WWP2: variants seen among roughly 807,000 people sequenced by gnomAD.
WWP2 encodes WW domain containing E3 ubiquitin protein ligase 2.
WWP2 carries 57 observed loss-of-function variants against 121.0 expected under a neutral mutation model. That is an observed-to-expected ratio of 0.47 (90% CI 0.38 to 0.59). The LOEUF is 0.59. Ranked by LOEUF, WWP2 falls within the 20% of genes least tolerant of loss-of-function variation. WWP2 has a pLI of 0.00. For synonymous variants in WWP2, 449 were observed against 441.3 expected (o/e 1.02, Z -0.22); for missense variants, 962 against 1,158.9 (o/e 0.83, Z 2.47).
At chr16:69,823,566 C>T (rs2056631152) in intron 4 of WWP2, among the ~76,000 whole-genome samples, 1 of 151,602 alleles carries the variant, frequency 6.6e-6, no homozygotes, top group South Asian at 2.1e-4. Context: ...CTCCTGGGTT[C>T]AAGCGATTCT....
In WWP2 at chr16:69,941,706, G is replaced by C. The variant is rs1194712357; in HGVS notation, c.*1766G>C. On this transcript the variant is annotated 3_prime_UTR_variant, in exon 24 of 24. Coordinates refer to ENST00000359154, the MANE Select transcript of WWP2 (RefSeq NM_001270454.2). ...AATGCCCGCCCCTTGCCTCGATATTGCCAGTTTCTTGTGCAATAAACAATC... is the reference window on the plus strand; with the variant it reads ...AATGCCCGCCCCTTGCCTCGATATTCCCAGTTTCTTGTGCAATAAACAATC... 6.5e-6 allele frequency: 1 copy of C among 153,658 alleles called. No individual in the cohort carries two copies. Among genetic ancestry groups the C allele is most frequent in the African/African-American group, 2.4e-5 (1 of 41,422 alleles). 9.5% of individuals were successfully genotyped at this position (153,658 alleles called of 1,614,324 possible). A position where few individuals can be genotyped will look rare whatever the true frequency, so the allele number is the denominator to read the frequency against.
intron 8 of WWP2, among the ~76,000 whole-genome samples, chr16:69,897,143 C>T (rs562185602): frequency 2.6e-5 from 4 of 151,876 alleles, no homozygotes; most frequent in Admixed American, 2.6e-4. Flanking sequence ...ATCTGTGTCA[C>T]CCAGGCTGGA....
intron 1 of WWP2, among the ~76,000 whole-genome samples, chr16:69,784,722 T>C (rs2055744851): frequency 6.6e-6 from 1 of 152,142 alleles, no homozygotes; most frequent in South Asian, 2.1e-4. Flanking sequence ...TATAATGGTG[T>C]GTTGGGAAAA....
intron 4 of WWP2, among the ~76,000 whole-genome samples, chr16:69,820,825 TACACAC>T (rs34214656): frequency 0.19 from 27,373 of 141,738 alleles, 2,889 homozygotes; most frequent in Non-Finnish European, 0.24. Flanking sequence ...TACATGCATA[TACACAC>T]ACACACACAC....
chr16:69,762,765 G>T (rs1046540771), intron 1 of WWP2, among the ~76,000 whole-genome samples: 2 of 152,322 alleles, frequency 1.3e-5, no homozygotes, highest in Admixed American at 6.5e-5. Context: ...GAGCTGGAAG[G>T]GGGTGCCTGA....
chr16:69,821,081 A>G (rs535931757), intron 4 of WWP2, among the ~76,000 whole-genome samples: 1 of 152,262 alleles, frequency 6.6e-6, no homozygotes, highest in South Asian at 2.1e-4. Flanking sequence ...TACATCAGCG[A>G]CTACTGTTTT....
chr16:69,929,374 G>GT lies in WWP2; in HGVS notation c.1235-73dup, dbSNP rs1326324861. 2.0e-5 allele frequency: 28 copies of GT among 1,413,014 alleles called. No homozygotes were observed. In the African/African-American group the frequency reaches 3.5e-4, roughly 18 times the overall value. 87.5% of individuals were successfully genotyped at this position (1,413,014 alleles called of 1,614,324 possible). Reference sequence around the variant, plus strand: ...TAAACTCAGACCCAGCACCCAGGAGGTGGGAACCTCAGGGAAAGGACACCG... The same window carrying GT: ...TAAACTCAGACCCAGCACCCAGGAGGTTGGGAACCTCAGGGAAAGGACACCG... On this transcript the variant is annotated intron_variant, in intron 11 of 23. Coordinates refer to ENST00000359154, the MANE Select transcript of WWP2 (RefSeq NM_001270454.2).
chr16:69,881,178 T>A (rs1323669425), intron 7 of WWP2, among the ~76,000 whole-genome samples: 1 of 152,146 alleles, frequency 6.6e-6, no homozygotes, highest in Non-Finnish European at 1.5e-5. Flanking sequence ...TACCCCACTT[T>A]CCCGGTCCTT....
chr16:69,828,063 T>C (rs1031076706), intron 4 of WWP2: 2 of 369,580 alleles, frequency 5.4e-6, no homozygotes, highest in Non-Finnish European at 1.1e-5. Context: ...TGTGTGTGCA[T>C]ATGTACTTTT....
intron 6 of WWP2, among the ~76,000 whole-genome samples, chr16:69,854,197 T>G (rs2057269427): frequency 6.6e-6 from 1 of 151,858 alleles, no homozygotes; most frequent in South Asian, 2.1e-4. Flanking sequence ...ATAAAAAGAG[T>G]ATGGGTGTTG....
intron 8 of WWP2, among the ~76,000 whole-genome samples, chr16:69,901,219 A>G (rs928782312): frequency 2.6e-5 from 4 of 152,232 alleles, no homozygotes; most frequent in African/African-American, 7.2e-5. Flanking sequence ...GACTTGGCTC[A>G]GAAACATTTA....
chr16:69,924,346 C>G (rs1200747326), intron 10 of WWP2, among the ~76,000 whole-genome samples: 1 of 152,124 alleles, frequency 6.6e-6, no homozygotes, highest in Non-Finnish European at 1.5e-5. Context: ...TAGACGGGGC[C>G]AGCCCAGCAG....
chr16:69,812,411 C>T (rs1406626628), intron 4 of WWP2, among the ~76,000 whole-genome samples: 2 of 150,762 alleles, frequency 1.3e-5, no homozygotes, highest in Admixed American at 6.6e-5. Context: ...GTAACCTGCC[C>T]GCCTCGGCCT....
chr16:69,896,754 T>A (rs2151947458), intron 8 of WWP2, among the ~76,000 whole-genome samples: 1 of 151,598 alleles, frequency 6.6e-6, no homozygotes, highest in South Asian at 2.1e-4. Flanking sequence ...AAACACTAAC[T>A]ACAGCTACCA....
intron 4 of WWP2, among the ~76,000 whole-genome samples, chr16:69,814,507 T>A (rs977412492): frequency 6.6e-6 from 1 of 152,170 alleles, no homozygotes; most frequent in Non-Finnish European, 1.5e-5. Flanking sequence ...ATTTGAGAAT[T>A]CCTGTACCCA....
At chr16:69,786,396 C>T (rs1038659833) in intron 1 of WWP2, among the ~76,000 whole-genome samples, 20 of 151,134 alleles carry the variant, frequency 1.3e-4, no homozygotes, top group African/African-American at 4.9e-4. Context: ...CACCCGCCTC[C>T]CAAAGTGCTG....
intron 1 of WWP2, among the ~76,000 whole-genome samples, chr16:69,777,556 C>A (rs2151778121): frequency 6.6e-6 from 1 of 152,054 alleles, no homozygotes; most frequent in Non-Finnish European, 1.5e-5. Flanking sequence ...CCACCTCAGC[C>A]TCCCAAAGTG....
chr16:69,779,111 G>A (rs973461992), intron 1 of WWP2, among the ~76,000 whole-genome samples: 12 of 150,296 alleles, frequency 8.0e-5, no homozygotes, highest in South Asian at 4.2e-4. Context: ...CACCACACCC[G>A]GCTAATTTGT....
intron 4 of WWP2, among the ~76,000 whole-genome samples, chr16:69,831,157 C>T (rs2151858936): frequency 6.6e-6 from 1 of 152,298 alleles, no homozygotes; most frequent in South Asian, 2.1e-4. Flanking sequence ...ATCCTGGCGT[C>T]CTTGGCCTCC....
Sources: gnomAD v4.1 joint callset for allele counts (sites outside exome capture counted in the v4.1 genomes callset) on GRCh38, gnomAD v4.1.1 for gene constraint, MANE v1.5 for transcripts, NCBI Gene and HGNC (gene_info 2026-07-23, HGNC 2026-07-21) for gene names.